Variants in DNAH14 observed in about 807,000 individuals in gnomAD.
DNAH14 encodes the protein axonemal beta dynein heavy chain 14.
DNAH14 carries 478 observed loss-of-function variants against 520.9 expected under a neutral mutation model. The observed-to-expected ratio is 0.92, with a 90% CI of 0.85 to 0.99. The LOEUF (loss-of-function observed/expected upper bound fraction) is 0.99, where lower values mean the gene tolerates loss of function less well. Ranked by LOEUF, DNAH14 falls within the 50% of genes least tolerant of loss-of-function variation. The pLI, the probability that DNAH14 is intolerant of heterozygous loss-of-function variation, is 0.00. For missense variants in DNAH14, 4,831 were observed against 5,234.5 expected (o/e 0.92, Z 2.38); for synonymous variants, 1,581 against 1,757.2 (o/e 0.90, Z 2.51).
intron 36 of DNAH14, among the ~76,000 whole-genome samples, chr1:225,169,382 A>G (rs546523577): frequency 6.6e-6 from 1 of 152,298 alleles, no homozygotes; most frequent in South Asian, 2.1e-4. Flanking sequence ...CATGGCAAAG[A>G]AGTTAAAACC....
At chr1:225,135,364 CA>C (rs1485071028) in intron 27 of DNAH14, among the ~76,000 whole-genome samples, 2 of 152,254 alleles carry the variant, frequency 1.3e-5, no homozygotes, top group South Asian at 2.1e-4. Context: ...TCTTTGTTCT[CA>C]TGAGTTTGAA....
chr1:225,260,018 TTA>T (rs754496135), intron 46 of DNAH14, among the ~76,000 whole-genome samples: 1 of 151,638 alleles, frequency 6.6e-6, no homozygotes, highest in African/African-American at 2.4e-5. Flanking sequence ...TAGTATTCCA[TTA>T]TATATATATA....
At chr1:225,092,541 G>T (rs1388257182) in intron 21 of DNAH14, among the ~76,000 whole-genome samples, 1 of 152,016 alleles carries the variant, frequency 6.6e-6, no homozygotes, top group African/African-American at 2.4e-5. Flanking sequence ...AGTGTTAACA[G>T]GGAAGTTTAT....
intron 31 of DNAH14, among the ~76,000 whole-genome samples, chr1:225,147,666 A>C (rs148187484): frequency 6.6e-6 from 1 of 152,258 alleles, no homozygotes; most frequent in East Asian, 1.9e-4. Flanking sequence ...GTTCAGGGGC[A>C]CATGTGCAGA....
chr1:225,251,319 A>G (rs1052494002), intron 43 of DNAH14, among the ~76,000 whole-genome samples: 3 of 151,996 alleles, frequency 2.0e-5, no homozygotes, highest in Admixed American at 2.0e-4. Flanking sequence ...AATTACAGGC[A>G]CCTGTCACCA....
chr1:225,324,842 A>G lies in DNAH14; in HGVS notation c.9723+10A>G. 1.9e-6 allele frequency: 3 copies of G among 1,546,722 alleles called. No individual in the cohort carries two copies. The highest frequency in any genetic ancestry group is 2.6e-6 in the Non-Finnish European group (3 of 1,142,720). On this transcript the variant is annotated intron_variant, in intron 64 of 85. Coordinates refer to ENST00000682510, the MANE Select transcript of DNAH14 (RefSeq NM_001367479.1). Reference sequence around the variant, plus strand: ...AAGAGGTTTACAGCTGGTAAGAAATACAGTTCAGTTCTCAAAATAAGACAA... The same window carrying G: ...AAGAGGTTTACAGCTGGTAAGAAATGCAGTTCAGTTCTCAAAATAAGACAA...
chr1:225,383,893 C>T (rs2095807754), intron 81 of DNAH14, among the ~76,000 whole-genome samples: 1 of 152,142 alleles, frequency 6.6e-6, no homozygotes, highest in East Asian at 1.9e-4. Flanking sequence ...TAAATTTCCC[C>T]TACACATTGC....
chr1:225,111,566 C>A (rs1336153695), intron 23 of DNAH14, among the ~76,000 whole-genome samples: 2 of 150,438 alleles, frequency 1.3e-5, no homozygotes, highest in East Asian at 1.9e-4. Context: ...ATTGTTGAGT[C>A]TTTTTTTTTA....
intron 54 of DNAH14, 41 bp from the exon 55 acceptor site, chr1:225,289,844 A>C (rs12042076): frequency 0.35 from 441,312 of 1,248,730 alleles, 80,775 homozygotes; most frequent in East Asian, 0.47. Flanking sequence ...AAAGATTCCC[A>C]GAAAATGTAT....
chr1:225,251,079 C>A (rs970170894), intron 43 of DNAH14, among the ~76,000 whole-genome samples: 1 of 151,940 alleles, frequency 6.6e-6, no homozygotes, highest in Non-Finnish European at 1.5e-5. Flanking sequence ...GGTACTGGAC[C>A]AACTGAACAT....
At chr1:225,392,215 GACA>G in intron 83 of DNAH14, 73 bp from the exon 84 acceptor site, 2 of 1,483,788 alleles carry the variant, frequency 1.3e-6, no homozygotes, top group Non-Finnish European at 1.8e-6. Context: ...TTCTCCATGA[GACA>G]TCATTGTTGC....
intron 8 of DNAH14, among the ~76,000 whole-genome samples, chr1:224,997,002 T>C (rs1473061818): frequency 6.6e-6 from 1 of 152,068 alleles, no homozygotes; most frequent in African/African-American, 2.4e-5. Context: ...GGCTGAGCCA[T>C]CTAGGGATAT....
intron 81 of DNAH14, among the ~76,000 whole-genome samples, chr1:225,387,216 A>G (rs1255851202): frequency 1.3e-5 from 2 of 151,682 alleles, no homozygotes; most frequent in Non-Finnish European, 2.9e-5. Context: ...GGTGGGGAAC[A>G]TCACACACTG....
At chr1:225,178,370 G>A (rs913594914) in intron 36 of DNAH14, among the ~76,000 whole-genome samples, 1 of 152,152 alleles carries the variant, frequency 6.6e-6, no homozygotes, top group African/African-American at 2.4e-5. Context: ...AAAATGAGGA[G>A]GCAAAAGCAG....
intron 30 of DNAH14, 108 bp from the exon 31 acceptor site, chr1:225,146,995 CT>C: frequency 1.2e-6 from 1 of 854,352 alleles, no homozygotes; most frequent in Non-Finnish European, 1.7e-6. Context: ...TGCAAAAGGC[CT>C]TTGCTTGGTT....
chr1:225,234,344 G>A (rs573099257), intron 42 of DNAH14, among the ~76,000 whole-genome samples: 11 of 151,920 alleles, frequency 7.2e-5, no homozygotes, highest in African/African-American at 1.5e-4. Flanking sequence ...ATCTGCCACC[G>A]CACCTGGCTA....
chr1:225,309,222 A>G (rs1335645221), intron 60 of DNAH14, among the ~76,000 whole-genome samples: 2 of 152,210 alleles, frequency 1.3e-5, no homozygotes, highest in African/African-American at 4.8e-5. Context: ...ACCTTATAAC[A>G]TGGTTGAAGA....
intron 41 of DNAH14, among the ~76,000 whole-genome samples, chr1:225,213,410 G>A (rs2088768520): frequency 6.6e-6 from 1 of 152,160 alleles, no homozygotes; most frequent in East Asian, 1.9e-4. Flanking sequence ...GGTTCCATAT[G>A]AACTTTGAAG....
intron 43 of DNAH14, among the ~76,000 whole-genome samples, chr1:225,245,779 G>A (rs1033879015): frequency 5.9e-5 from 9 of 152,044 alleles, no homozygotes; most frequent in Non-Finnish European, 1.2e-4. Context: ...AATCAATATC[G>A]TGAAAATGGC....
Sources: allele counts gnomAD v4.1 joint callset (sites outside exome capture counted in the v4.1 genomes callset), GRCh38; gene constraint gnomAD v4.1.1; transcripts MANE v1.5; gene names NCBI Gene and HGNC (gene_info 2026-07-23, HGNC 2026-07-21).